Variants in SMYD3 observed in about 807,000 individuals in gnomAD.
SMYD3 encodes the protein SET and MYND domain containing 3, also known as histone-lysine N-methyltransferase SMYD3.
Under a neutral mutation model 57.7 loss-of-function variants are expected in SMYD3, and 36 were observed. That is an observed-to-expected ratio of 0.62 (90% CI 0.48 to 0.82). The LOEUF is 0.82. SMYD3 is among the 40% of genes least tolerant of loss of function. The probability of loss-of-function intolerance (pLI) is 0.00; values close to 1 mark genes in which losing one functional copy is unlikely to be tolerated. For missense variants in SMYD3, 515 were observed against 538.8 expected (o/e 0.96, Z 0.44); for synonymous variants, 211 against 195.0 (o/e 1.08, Z -0.68).
At chr1:246,177,912 C>G (rs1156454215) in intron 5 of SMYD3, among the ~76,000 whole-genome samples, 1 of 152,206 alleles carries the variant, frequency 6.6e-6, no homozygotes, top group Non-Finnish European at 1.5e-5. Context: ...GCCATCCTTA[C>G]AGCAGGCTTA....
At chr1:246,311,423 T>C (rs960174139) in intron 5 of SMYD3, among the ~76,000 whole-genome samples, 11 of 152,218 alleles carry the variant, frequency 7.2e-5, no homozygotes, top group African/African-American at 2.7e-4. Flanking sequence ...CTCATATAGA[T>C]ATCTCCAGGA....
At chr1:246,090,520 CTCTTT>C (rs1382793688) in intron 5 of SMYD3, among the ~76,000 whole-genome samples, 2 of 139,826 alleles carry the variant, frequency 1.4e-5, no homozygotes, top group African/African-American at 2.6e-5. Context: ...CTTTCTCTCT[CTCTTT>C]TTTTTTTTTT....
chr1:245,927,991 A>G lies in SMYD3; in HGVS notation c.642T>C (p.Ile214=). 1 of 1,612,914 alleles carries G rather than the reference A, an allele frequency of 6.2e-7. No individual in the cohort carries two copies. Among genetic ancestry groups the G allele is most frequent in the Non-Finnish European group, 8.5e-7 (1 of 1,179,250 alleles). ...GTAAGAGGTGGGGCCCATTGAACAC[A>G]ATCGAACAGTTGGGGTCACAGCTGT... ...LNHSCDPNCS[I]VFNGPHLLLR... is the part of the protein sequence containing the mutation. The change falls in exon 7 of 12, where the codon ATT becomes ATC. Residue 214 remains isoleucine (I), a synonymous_variant. Transcript: ENST00000490107.
chr1:246,236,340 C>T (rs1294135047), intron 5 of SMYD3, among the ~76,000 whole-genome samples: 1 of 152,176 alleles, frequency 6.6e-6, no homozygotes, highest in Non-Finnish European at 1.5e-5. Context: ...AGGCAATCCT[C>T]CCGCCTCAGC....
intron 5 of SMYD3, among the ~76,000 whole-genome samples, chr1:246,171,401 G>A (rs1247242704): frequency 6.6e-6 from 1 of 152,078 alleles, no homozygotes; most frequent in Non-Finnish European, 1.5e-5. Context: ...CCAGAGGGAT[G>A]GGGGTAGGGA....
chr1:245,935,320 A>G (rs750728123), intron 5 of SMYD3, among the ~76,000 whole-genome samples: 3 of 152,234 alleles, frequency 2.0e-5, no homozygotes, highest in Non-Finnish European at 2.9e-5. Context: ...AATATCACCA[A>G]ATGCTCAATC....
At chr1:246,432,350 A>G (rs981451318) in intron 1 of SMYD3, among the ~76,000 whole-genome samples, 1 of 152,236 alleles carries the variant, frequency 6.6e-6, no homozygotes, top group Non-Finnish European at 1.5e-5. Context: ...ACCACCATAC[A>G]TCAATTAGAA....
At chr1:246,228,315 G>C (rs972644193) in intron 5 of SMYD3, among the ~76,000 whole-genome samples, 1 of 152,036 alleles carries the variant, frequency 6.6e-6, no homozygotes, top group African/African-American at 2.4e-5. Flanking sequence ...CCCTAAAGCA[G>C]GGCAATTCAA....
intron 1 of SMYD3, among the ~76,000 whole-genome samples, chr1:246,387,303 T>G (rs2066499298): frequency 6.6e-6 from 1 of 152,336 alleles, no homozygotes; most frequent in South Asian, 2.1e-4. Flanking sequence ...AGCTTCAGAC[T>G]TCTTATCTAT....
intron 8 of SMYD3, among the ~76,000 whole-genome samples, chr1:245,900,621 C>A (rs772458239): frequency 6.6e-6 from 1 of 152,174 alleles, no homozygotes; most frequent in Non-Finnish European, 1.5e-5. Context: ...ACTAAAGCTA[C>A]GTTTAGTTGG....
At chr1:246,030,575 CAA>C (rs1044498956) in intron 5 of SMYD3, among the ~76,000 whole-genome samples, 10 of 152,158 alleles carry the variant, frequency 6.6e-5, no homozygotes, top group Non-Finnish European at 1.2e-4. Context: ...GTTCACAACA[CAA>C]ATAAATATTT....
At chr1:245,930,275 A>T in intron 5 of SMYD3, 1 of 381,104 alleles carries the variant, frequency 2.6e-6, no homozygotes, top group Non-Finnish European at 5.1e-6. Context: ...GAATATGAAT[A>T]AGCTATTTAT....
chr1:245,880,366 CCTGG>C (rs1290246510), intron 8 of SMYD3, among the ~76,000 whole-genome samples: 1 of 152,138 alleles, frequency 6.6e-6, no homozygotes, highest in East Asian at 1.9e-4. Flanking sequence ...TATATAGGTT[CCTGG>C]CTGGCTGGCT....
intron 2 of SMYD3, among the ~76,000 whole-genome samples, chr1:246,348,060 T>TCATATA (rs1173574600): frequency 2.4e-5 from 2 of 82,976 alleles, no homozygotes; most frequent in South Asian, 3.5e-4. Flanking sequence ...AAAGAAAACG[T>TCATATA]TATATATATA....
At chr1:246,132,730 T>A (rs985992814) in intron 5 of SMYD3, among the ~76,000 whole-genome samples, 7 of 152,080 alleles carry the variant, frequency 4.6e-5, no homozygotes, top group African/African-American at 1.7e-4. Flanking sequence ...TGCAAATCAT[T>A]TATCTGGTCA....
chr1:246,346,255 T>C (rs1368949798), intron 2 of SMYD3, among the ~76,000 whole-genome samples: 2 of 151,880 alleles, frequency 1.3e-5, no homozygotes, highest in East Asian at 3.9e-4. Flanking sequence ...TGCACTCCAG[T>C]CTGGGCGACA....
At chr1:246,221,627 C>T (rs564811997) in intron 5 of SMYD3, among the ~76,000 whole-genome samples, 7 of 152,294 alleles carry the variant, frequency 4.6e-5, no homozygotes, top group East Asian at 3.9e-4. Context: ...GCAGTGAACC[C>T]GGTCCAGCCA....
At chr1:245,825,955 A>G (rs1053455233) in intron 10 of SMYD3, among the ~76,000 whole-genome samples, 1 of 73,288 alleles carries the variant, frequency 1.4e-5, no homozygotes, top group Admixed American at 1.4e-4. Context: ...CTATGAAGGC[A>G]AAGACCTCCT....
At chr1:245,797,136 G>A (rs1325954649) in intron 10 of SMYD3, among the ~76,000 whole-genome samples, 2 of 152,114 alleles carry the variant, frequency 1.3e-5, no homozygotes, top group Non-Finnish European at 2.9e-5. Context: ...AATATGAGGG[G>A]ATTTGGTGAA....
Sources: gnomAD v4.1 joint callset for allele counts (sites outside exome capture counted in the v4.1 genomes callset) on GRCh38, gnomAD v4.1.1 for gene constraint, MANE v1.5 for transcripts, NCBI Gene and HGNC (gene_info 2026-07-23, HGNC 2026-07-21) for gene names.